Variants in CYB5R4 observed in about 807,000 individuals in gnomAD.
CYB5R4 encodes the protein cytochrome b5 reductase 4.
CYB5R4 carries 55 observed loss-of-function variants against 70.2 expected under a neutral mutation model. The ratio of observed to expected loss-of-function variants is 0.78; its 90% confidence interval spans 0.63 to 0.98. CYB5R4 has a LOEUF of 0.98. Ranked by LOEUF, CYB5R4 falls within the 50% of genes least tolerant of loss-of-function variation. The pLI is 0.00. For synonymous variants in CYB5R4, 197 were observed against 199.5 expected (o/e 0.99, Z 0.11); for missense variants, 562 against 612.6 (o/e 0.92, Z 0.87).
At chr6:83,944,422 G>A (rs1174556262) in intron 14 of CYB5R4, among the ~76,000 whole-genome samples, 1 of 152,112 alleles carries the variant, frequency 6.6e-6, no homozygotes. Flanking sequence ...CCTTACAAGA[G>A]TTCCTGAAGG....
rs898813781 is a variant in CYB5R4, at chr6:83,965,414, G to T, written c.*5536G>T. ...AGCTTTAAAATTTGACTGCCCCACT[G>T]GATTTTGGACTTCCATGGGCCCTGT... On this transcript the variant is annotated 3_prime_UTR_variant, in exon 16 of 16. Transcript: ENST00000369681. The T allele has an allele frequency of 2.0e-5, 3 of 152,156 alleles. No homozygotes were observed. Among genetic ancestry groups the T allele is most frequent in the African/African-American group, 7.2e-5 (3 of 41,412 alleles). 9.4% of individuals were successfully genotyped at this position (152,156 alleles called of 1,614,324 possible).
At chr6:83,865,097 G>A (rs1459867475) in intron 2 of CYB5R4, among the ~76,000 whole-genome samples, 1 of 152,108 alleles carries the variant, frequency 6.6e-6, no homozygotes, top group Non-Finnish European at 1.5e-5. Context: ...ATTTTGGTTT[G>A]TTGTCAGTTA....
chr6:83,937,765 C>T (rs1238857441), intron 12 of CYB5R4, among the ~76,000 whole-genome samples: 3 of 152,182 alleles, frequency 2.0e-5, no homozygotes, highest in East Asian at 1.9e-4. Flanking sequence ...ATGATTGGCC[C>T]GCCTTGGCCT....
intron 9 of CYB5R4, among the ~76,000 whole-genome samples, chr6:83,923,391 C>T (rs1027909295): frequency 1.3e-5 from 2 of 152,034 alleles, no homozygotes; most frequent in Non-Finnish European, 1.5e-5. Context: ...AGACAAAGAC[C>T]ATGGTTTTAT....
chr6:83,955,888 C>T (rs533638546), intron 15 of CYB5R4, among the ~76,000 whole-genome samples: 14 of 152,156 alleles, frequency 9.2e-5, no homozygotes, highest in African/African-American at 2.9e-4. Flanking sequence ...TGATCAAAAG[C>T]CAAGCAGCAA....
In CYB5R4 at chr6:83,961,037, C is replaced by A. The variant is rs1418606390; in HGVS notation, c.*1159C>A. On this transcript the variant is annotated 3_prime_UTR_variant, in exon 16 of 16. Coordinates refer to ENST00000369681, the MANE Select transcript of CYB5R4 (RefSeq NM_016230.4). ...AGGGGATTGAAAGAGTCTCCAATTT[C>A]TCTGTAAATGATTTTGTAAACAGCT... 3 of 152,186 alleles carry A rather than the reference C, an allele frequency of 2.0e-5. No homozygotes were observed. Among genetic ancestry groups the A allele is most frequent in the Non-Finnish European group, 4.4e-5 (3 of 68,032 alleles). The allele number at this position is 152,186 out of a possible 1,614,324, so 9.4% of individuals were successfully genotyped here. A position where few individuals can be genotyped will look rare whatever the true frequency, so the allele number is the denominator to read the frequency against.
chr6:83,902,183 A>G (rs2099463082), intron 3 of CYB5R4, among the ~76,000 whole-genome samples: 1 of 151,982 alleles, frequency 6.6e-6, no homozygotes, highest in South Asian at 2.1e-4. Flanking sequence ...ATCCATTTTG[A>G]GTTGATTTTT....
intron 14 of CYB5R4, among the ~76,000 whole-genome samples, chr6:83,943,793 C>G (rs555526194): frequency 6.6e-6 from 1 of 151,866 alleles, no homozygotes; most frequent in Non-Finnish European, 1.5e-5. Flanking sequence ...AAAAACAGCA[C>G]GAGAACATCA....
intron 2 of CYB5R4, among the ~76,000 whole-genome samples, chr6:83,874,363 T>TA (rs1014465008): frequency 1.5e-4 from 23 of 149,624 alleles, no homozygotes; most frequent in South Asian, 2.1e-4. Flanking sequence ...GCTACTTTTT[T>TA]AAAAAAAAAA....
intron 2 of CYB5R4, among the ~76,000 whole-genome samples, chr6:83,889,358 G>T (rs2099460753): frequency 6.6e-6 from 1 of 152,194 alleles, no homozygotes; most frequent in Non-Finnish European, 1.5e-5. Context: ...TGACTCTCTT[G>T]TTAAGGCCTA....
intron 14 of CYB5R4, among the ~76,000 whole-genome samples, chr6:83,950,456 C>T (rs1341696772): frequency 6.6e-6 from 1 of 152,156 alleles, no homozygotes; most frequent in Non-Finnish European, 1.5e-5. Flanking sequence ...CACATTGGCC[C>T]ACCTGCTCCC....
chr6:83,943,672 G>C (rs1284370875), intron 14 of CYB5R4, among the ~76,000 whole-genome samples: 1 of 151,938 alleles, frequency 6.6e-6, no homozygotes, highest in East Asian at 1.9e-4. Context: ...ATTCCTGAAG[G>C]AGCATGTTCT....
At chr6:83,893,500 A>G (rs1362183502) in intron 2 of CYB5R4, 22 bp from the exon 3 acceptor site, 2 of 1,412,432 alleles carry the variant, frequency 1.4e-6, no homozygotes, top group Non-Finnish European at 2.0e-6. Flanking sequence ...TTAGGATATT[A>G]TTTCTGTTTG....
At chr6:83,947,300 A>G (rs901623011) in intron 14 of CYB5R4, among the ~76,000 whole-genome samples, 4 of 152,156 alleles carry the variant, frequency 2.6e-5, no homozygotes, top group African/African-American at 9.7e-5. Flanking sequence ...AAAACAAGCA[A>G]TAGGGAAAGG....
In CYB5R4 at chr6:83,951,897, C is replaced by T. The variant is rs150046189; in HGVS notation, c.1347-3401C>T. Among the ~76,000 whole-genome samples the T allele has an allele frequency of 2.4e-4, 36 of 152,294 alleles. No homozygotes were observed. In the East Asian group the frequency reaches 6.0e-3, roughly 25 times the overall value. ...ATGGTTGAACTAATTTGCACTCCTG[C>T]CAACAGTGTAAAAGTGTTCCTGTTT... On this transcript the variant is annotated intron_variant, in intron 14 of 15. Transcript: ENST00000369681.
At chr6:83,878,726 TA>T (rs1464187701) in intron 2 of CYB5R4, among the ~76,000 whole-genome samples, 2 of 146,512 alleles carry the variant, frequency 1.4e-5, no homozygotes, top group African/African-American at 5.4e-5. Context: ...CTCAGACATG[TA>T]GTACATTTTT....
intron 15 of CYB5R4, 21 bp from the exon 16 acceptor site, chr6:83,959,803 T>C (rs1031726046): frequency 6.3e-7 from 1 of 1,587,304 alleles, no homozygotes; most frequent in Non-Finnish European, 8.6e-7. Flanking sequence ...AAGAAACATG[T>C]GCTTTTTATT....
At position 83,962,132 on chromosome 6, in the gene CYB5R4, C is replaced by G. The variant is rs1562849902; in HGVS notation, c.*2254C>G. 1 of 152,170 alleles carries G rather than the reference C, an allele frequency of 6.6e-6. No homozygotes were observed. 9.4% of individuals were successfully genotyped at this position (152,170 alleles called of 1,614,324 possible). On this transcript the variant is annotated 3_prime_UTR_variant, in exon 16 of 16. Transcript: ENST00000369681. ...ATCCACCTAGTAAGCCATTCTAGAA[C>G]TATTAGGAATCAACATCAATGTCCC...
intron 14 of CYB5R4, 29 bp from the exon 15 acceptor site, chr6:83,955,269 C>G (rs375374051): frequency 1.4e-5 from 22 of 1,551,200 alleles, no homozygotes; most frequent in Non-Finnish European, 1.8e-5. Flanking sequence ...AAATAATAAA[C>G]TTTAAAAAGC....
Sources: gnomAD v4.1 joint callset for allele counts (sites outside exome capture counted in the v4.1 genomes callset) on GRCh38, gnomAD v4.1.1 for gene constraint, MANE v1.5 for transcripts, NCBI Gene and HGNC (gene_info 2026-07-23, HGNC 2026-07-21) for gene names.